Variants in FNIP1 observed in about 807,000 individuals in gnomAD.
FNIP1 encodes folliculin interacting protein 1.
Under a neutral mutation model 124.5 loss-of-function variants are expected in FNIP1, and 40 were observed. The ratio of observed to expected loss-of-function variants is 0.32; its 90% CI spans 0.25 to 0.42. The LOEUF is 0.42. Among genes scored for constraint, FNIP1 ranks in the 10% least tolerant of loss-of-function variants. FNIP1 has a pLI of 1.00. For missense variants in FNIP1, 1,176 were observed against 1,403.7 expected, an observed-to-expected ratio of 0.84 and a Z score of 2.59; for synonymous variants, 472 against 470.6, an observed-to-expected ratio of 1.00 and a Z score of -0.04.
At chr5:131,668,349 A>G (rs781610622) in intron 15 of FNIP1, among the ~76,000 whole-genome samples, 4 of 152,252 alleles carry the variant, frequency 2.6e-5, no homozygotes, top group African/African-American at 4.8e-5. Flanking sequence ...AAAATGTAAA[A>G]ACATTTTGAA....
chr5:131,701,507 A>G (rs1037468634), intron 10 of FNIP1, among the ~76,000 whole-genome samples: 2 of 152,200 alleles, frequency 1.3e-5, no homozygotes, highest in African/African-American at 4.8e-5. Context: ...GAAGAAATGT[A>G]ATCAGTGTCT....
rs147967626 is a variant in FNIP1 at position 131,785,327 on chromosome 5, G to A, written c.92+11503C>T. On this transcript the variant is annotated intron_variant, in intron 1 of 17. Coordinates refer to ENST00000510461, the MANE Select transcript of FNIP1 (RefSeq NM_133372.3). Reference sequence around the variant, plus strand: ...CCCAGCACTCTGGGAGGTTGAGGCAGGTGGACTGCTTGAGGTCAGGAGTTC... The same window carrying A: ...CCCAGCACTCTGGGAGGTTGAGGCAAGTGGACTGCTTGAGGTCAGGAGTTC... Among the ~76,000 whole-genome samples, 719 of 151,838 alleles carry A rather than the reference G, an allele frequency of 4.7e-3. 5 individuals carry two copies. Among genetic ancestry groups the A allele is most frequent in the African/African-American group, 0.016 (682 of 41,422 alleles).
intron 1 of FNIP1, among the ~76,000 whole-genome samples, chr5:131,792,773 T>C (rs1035548140): frequency 4.6e-5 from 7 of 152,170 alleles, no homozygotes; most frequent in Admixed American, 3.3e-4. Context: ...ACAAGGTATG[T>C]ATGAAATAAA....
At chr5:131,646,343 T>TGC (rs2149501155) in intron 17 of FNIP1, among the ~76,000 whole-genome samples, 1 of 152,342 alleles carries the variant, frequency 6.6e-6, no homozygotes, top group African/African-American at 2.4e-5. Context: ...GCCTACACAC[T>TGC]GCAGGATGAT....
At position 131,716,868 on chromosome 5, in the gene FNIP1, T is replaced by C. The variant is rs985858816; in HGVS notation, c.531-212A>G. ...GCCTCTTTTTGTAAATAAAGTTTTA[T>C]TGGAACACAGCCATGCCCATTCATT... On this transcript the variant is annotated intron_variant, in intron 5 of 17. Transcript: ENST00000510461. 5.9e-5 allele frequency among the ~76,000 whole-genome samples: 9 copies of C among 152,288 alleles called. No homozygotes were observed. In the East Asian group the frequency reaches 9.6e-4, roughly 16 times the overall value.
intron 11 of FNIP1, 94 bp from the exon 12 acceptor site, chr5:131,679,269 C>T (rs1411106234): frequency 1.3e-6 from 1 of 741,994 alleles, no homozygotes; most frequent in Non-Finnish European, 2.3e-6. Context: ...TTGGTCCTTA[C>T]ATCTAGATTA....
At chr5:131,668,898 T>C (rs915257617) in intron 15 of FNIP1, among the ~76,000 whole-genome samples, 5 of 152,206 alleles carry the variant, frequency 3.3e-5, no homozygotes, top group Non-Finnish European at 5.9e-5. Context: ...ATCCTTGATG[T>C]ATATGGGCAA....
Position 131,670,554 on chromosome 5 carries a change from G to A in FNIP1, c.3017C>T (p.Ser1006Leu). 6.2e-7 allele frequency: 1 copy of A among 1,613,796 alleles called. No individual in the cohort carries two copies. Among genetic ancestry groups the A allele is most frequent in the East Asian group, 2.2e-5 (1 of 44,864 alleles). The change falls in exon 15 of 18, where the codon TCA becomes TTA. Residue 1006 changes from serine (S) to leucine (L), a missense_variant. This residue lies in a region of FNIP1 where 1,109 missense variants were observed against 1,288.5 expected (regional missense o/e 0.86). Coordinates refer to ENST00000510461, the MANE Select transcript of FNIP1 (RefSeq NM_133372.3). ...AAGAACAAAGTCAGGCACATAAGAT[G>A]AGCAGTAGCCACCCAGCAAGGACCT... ...FGRSLLGGYCSSYVPDFVLQG... is the reference protein window; with the variant it reads ...FGRSLLGGYCLSYVPDFVLQG...
intron 11 of FNIP1, among the ~76,000 whole-genome samples, chr5:131,693,486 A>G (rs751792096): frequency 2.0e-5 from 3 of 151,226 alleles, no homozygotes; most frequent in African/African-American, 2.4e-5. Context: ...TGAGAAAAGA[A>G]AGTATTTTCA....
chr5:131,643,714 T>C lies in FNIP1; in HGVS notation c.*971A>G, dbSNP rs1372362395. On this transcript the variant is annotated 3_prime_UTR_variant, in exon 18 of 18. Transcript: ENST00000510461. ...GAGGATTATTAAGCAGTGAAACAAA[T>C]ATTCAGCTCCTATGGGTTCATGAGG... 6.5e-6 allele frequency: 1 copy of C among 152,674 alleles called. No individual in the cohort carries two copies. The highest frequency in any genetic ancestry group is 1.5e-5 in the Non-Finnish European group (1 of 68,022). 9.5% of individuals were successfully genotyped at this position (152,674 alleles called of 1,614,324 possible).
chr5:131,677,759 T>C lies in FNIP1; in HGVS notation c.1463A>G (p.Gln488Arg), dbSNP rs775928430. 3.1e-6 allele frequency: 5 copies of C among 1,614,018 alleles called. No individual in the cohort carries two copies. The African/African-American group carries it at 6.7e-5, about 22-fold the overall frequency. Residue 488 changes from glutamine (Q) to arginine (R), a missense_variant, in exon 13 of 18, where the codon CAG becomes CGG. Around this residue, in one of 2 missense-constraint regions of FNIP1, gnomAD observed 1,109 missense variants for 1,288.5 expected, o/e 0.86. Transcript: ENST00000510461. Reference sequence around the variant, plus strand: ...AGTCTTTGCCAACATGTCCACACTCTGAGAGGAATGCTTTTCTAAAAATAT... The same window carrying C: ...AGTCTTTGCCAACATGTCCACACTCCGAGAGGAATGCTTTTCTAAAAATAT... ...IKIFLEKHSS[Q>R]SVDMLAKTHP... is the part of the protein sequence containing the mutation.
chr5:131,716,847 CTT>C (rs1769482166), intron 5 of FNIP1, among the ~76,000 whole-genome samples, 191 bp from the exon 6 acceptor site: 1 of 151,910 alleles, frequency 6.6e-6, no homozygotes, highest in East Asian at 1.9e-4. Context: ...TCTGCTGCCT[CTT>C]TTTGTAAATA....
rs114169073 is a variant in FNIP1 at position 131,776,117 on chromosome 5, C to T, written c.92+20713G>A. 2.2e-3 allele frequency among the ~76,000 whole-genome samples: 337 copies of T among 152,270 alleles called. 2 individuals carry two copies. The highest frequency in any genetic ancestry group is 7.7e-3 in the African/African-American group (319 of 41,550). ...GCATCTTTGTATCCAGAAAGTTTGA[C>T]AAAATGCTTTTAAAATGGTAAATTT... On this transcript the variant is annotated intron_variant, in intron 1 of 17. Transcript: ENST00000510461.
intron 1 of FNIP1, among the ~76,000 whole-genome samples, chr5:131,781,412 A>G (rs1470047341): frequency 6.6e-6 from 1 of 152,220 alleles, no homozygotes; most frequent in Non-Finnish European, 1.5e-5. Flanking sequence ...GACAGGAGAA[A>G]TCAATGCCTG....
chr5:131,660,691 CTACAA>C (rs1767401663), intron 15 of FNIP1, among the ~76,000 whole-genome samples: 1 of 152,294 alleles, frequency 6.6e-6, no homozygotes, highest in African/African-American at 2.4e-5. Flanking sequence ...TTTTTCTCTA[CTACAA>C]TACCATAGTC....
rs779536863 is a variant in FNIP1 at position 131,719,064 on chromosome 5, T to C, written c.456-4A>G. ...GAGCATGAGCTGTGGAGGGGAACTA[T>C]GAAGAAAAAGAGAAAGAGAGAGACC... On this transcript the variant is annotated splice_polypyrimidine_tract_variant and splice_region_variant and intron_variant, in intron 4 of 17. Transcript: ENST00000510461. 3.7e-6 allele frequency: 6 copies of C among 1,612,930 alleles called. No homozygotes were observed. In the Admixed American group the frequency reaches 5.0e-5, roughly 13 times the overall value.
intron 1 of FNIP1, among the ~76,000 whole-genome samples, chr5:131,752,501 TAAG>T (rs1026666415): frequency 6.8e-6 from 1 of 146,274 alleles, no homozygotes; most frequent in African/African-American, 2.5e-5. Context: ...AAAAAATTGG[TAAG>T]TTGGACTTTA....
chr5:131,729,623 G>C (rs1770007870), intron 3 of FNIP1, among the ~76,000 whole-genome samples: 1 of 152,126 alleles, frequency 6.6e-6, no homozygotes, highest in Non-Finnish European at 1.5e-5. Context: ...TGTCACCCAG[G>C]GTGGGTTGCT....
chr5:131,762,409 T>A (rs925962567), intron 1 of FNIP1, among the ~76,000 whole-genome samples: 1 of 151,782 alleles, frequency 6.6e-6, no homozygotes. Flanking sequence ...AGGAAAAAAA[T>A]CAAATAATCC....
Sources: allele counts gnomAD v4.1 joint callset (sites outside exome capture counted in the v4.1 genomes callset), GRCh38; gene constraint gnomAD v4.1.1; regional missense constraint gnomAD v4.1.1; transcripts MANE v1.5; gene names NCBI Gene and HGNC (gene_info 2026-07-23, HGNC 2026-07-21).